Variants in ERC1 observed in about 807,000 individuals in gnomAD.
The protein encoded by ERC1 is RAB6 interacting protein 2.
A neutral mutation model predicts 132.0 loss-of-function variants in ERC1; 56 were observed. The ratio of observed to expected loss-of-function variants is 0.42; its 90% CI spans 0.34 to 0.53. The LOEUF is 0.53. ERC1 is among the 20% of genes least tolerant of loss of function. The pLI, the probability that ERC1 is intolerant of heterozygous loss-of-function variation, is 0.03. For missense variants in ERC1, 1,202 were observed against 1,349.9 expected (o/e 0.89, Z 1.72); for synonymous variants, 478 against 476.1 (o/e 1.00, Z -0.05).
intron 8 of ERC1, among the ~76,000 whole-genome samples, chr12:1,179,530 C>T (rs1277120169): frequency 1.8e-4 from 20 of 111,298 alleles, no homozygotes; most frequent in East Asian, 2.8e-4. Flanking sequence ...TTTTTTGAGA[C>T]GGAGTCTCGC....
intron 15 of ERC1, among the ~76,000 whole-genome samples, chr12:1,353,003 A>C (rs2154367301): frequency 1.3e-5 from 2 of 151,684 alleles, no homozygotes; most frequent in Non-Finnish European, 2.9e-5. Flanking sequence ...TGGGTACGAG[A>C]AGCAATCAAG....
At chr12:1,294,660 T>C (rs1282832718) in intron 15 of ERC1, among the ~76,000 whole-genome samples, 1 of 152,352 alleles carries the variant, frequency 6.6e-6, no homozygotes, top group Non-Finnish European at 1.5e-5. Context: ...TCATCCCTTT[T>C]GTTAAATATA....
intron 8 of ERC1, among the ~76,000 whole-genome samples, chr12:1,147,199 T>C (rs1315609229): frequency 6.6e-6 from 1 of 152,188 alleles, no homozygotes; most frequent in African/African-American, 2.4e-5. Context: ...CTTATCTTGT[T>C]CCAGTTCTCA....
chr12:1,213,523 G>A (rs61911961), intron 12 of ERC1, among the ~76,000 whole-genome samples: 29,110 of 151,934 alleles, frequency 0.19, 3,417 homozygotes, highest in Non-Finnish European at 0.27. Context: ...GATCACTCAA[G>A]CTTAGGAGTT....
intron 2 of ERC1, among the ~76,000 whole-genome samples, chr12:1,066,399 G>A (rs1315810690): frequency 6.6e-6 from 1 of 152,180 alleles, no homozygotes; most frequent in East Asian, 1.9e-4. Flanking sequence ...TTTACACCTT[G>A]TTTATCAAAT....
Position 1,490,919 on chromosome 12 carries a change from C to T in ERC1, c.*689C>T, listed in dbSNP as rs1307533120. 8.6e-6 allele frequency: 2 copies of T among 232,708 alleles called. No homozygotes were observed. Among genetic ancestry groups the T allele is most frequent in the Non-Finnish European group, 8.5e-6 (1 of 117,802 alleles). 14.4% of individuals were successfully genotyped at this position (232,708 alleles called of 1,614,324 possible). On this transcript the variant is annotated 3_prime_UTR_variant, in exon 19 of 19. Coordinates refer to ENST00000360905, the MANE Select transcript of ERC1 (RefSeq NM_178040.4). ...AGCCTTCCTCACTCTGTTCCTCGGCCAGTTAACAAGAAGATGGTGTGAGGT... is the reference window on the plus strand; with the variant it reads ...AGCCTTCCTCACTCTGTTCCTCGGCTAGTTAACAAGAAGATGGTGTGAGGT...
intron 17 of ERC1, among the ~76,000 whole-genome samples, chr12:1,441,524 A>C (rs942785079): frequency 6.6e-6 from 1 of 152,188 alleles, no homozygotes; most frequent in Admixed American, 6.5e-5. Context: ...CTTCGTGGTC[A>C]TACTTTTTTC....
intron 12 of ERC1, among the ~76,000 whole-genome samples, chr12:1,200,205 T>G (rs1956775489): frequency 6.6e-6 from 1 of 152,146 alleles, no homozygotes; most frequent in South Asian, 2.1e-4. Context: ...TTGGCAAACT[T>G]GAACTAGTTT....
chr12:1,025,094 A>G (rs1036704404), intron 1 of ERC1, among the ~76,000 whole-genome samples: 2 of 152,154 alleles, frequency 1.3e-5, no homozygotes, highest in Non-Finnish European at 2.9e-5. Flanking sequence ...GGATATCTGG[A>G]TACGTTCTAC....
intron 15 of ERC1, among the ~76,000 whole-genome samples, chr12:1,334,706 C>T (rs1203743810): frequency 6.6e-6 from 1 of 152,080 alleles, no homozygotes; most frequent in Non-Finnish European, 1.5e-5. Flanking sequence ...ATTGCCTTGG[C>T]TGTTGGGGAT....
chr12:1,390,050 G>T (rs1435600998), intron 16 of ERC1, among the ~76,000 whole-genome samples: 1 of 152,066 alleles, frequency 6.6e-6, no homozygotes, highest in Admixed American at 6.5e-5. Flanking sequence ...AATCATAGCG[G>T]GGCTGTGTGT....
At chr12:1,228,231 G>A (rs1681760405) in intron 12 of ERC1, among the ~76,000 whole-genome samples, 1 of 152,178 alleles carries the variant, frequency 6.6e-6, no homozygotes, top group Non-Finnish European at 1.5e-5. Context: ...GCTTTGAGTA[G>A]TATGGACATT....
chr12:1,405,559 C>G (rs757676695), intron 16 of ERC1, among the ~76,000 whole-genome samples: 1 of 151,842 alleles, frequency 6.6e-6, no homozygotes, highest in Non-Finnish European at 1.5e-5. Context: ...AAAAAATAGC[C>G]GGGCGTGGTG....
intron 12 of ERC1, among the ~76,000 whole-genome samples, chr12:1,205,921 T>C (rs1287182607): frequency 6.6e-6 from 1 of 152,072 alleles, no homozygotes; most frequent in Non-Finnish European, 1.5e-5. Flanking sequence ...AATGAAACCC[T>C]GGGAAAAGCT....
intron 12 of ERC1, among the ~76,000 whole-genome samples, chr12:1,207,624 G>GA (rs893485917): frequency 4.0e-5 from 6 of 151,896 alleles, no homozygotes; most frequent in African/African-American, 7.2e-5. Flanking sequence ...TCATTGGTGG[G>GA]AAAAAAAATA....
At chr12:993,376 A>G (rs959352372) in intron 1 of ERC1, among the ~76,000 whole-genome samples, 1 of 152,234 alleles carries the variant, frequency 6.6e-6, no homozygotes, top group Non-Finnish European at 1.5e-5. Context: ...TTGTCCTTGT[A>G]GGAATGAAAT....
chr12:1,175,931 T>G (rs1343213009), intron 8 of ERC1, among the ~76,000 whole-genome samples: 1 of 152,226 alleles, frequency 6.6e-6, no homozygotes, highest in Non-Finnish European at 1.5e-5. Flanking sequence ...ACATCTTTAG[T>G]GACTACTTCT....
intron 1 of ERC1, among the ~76,000 whole-genome samples, chr12:1,005,401 C>T (rs1047441534): frequency 6.6e-6 from 1 of 152,060 alleles, no homozygotes; most frequent in Non-Finnish European, 1.5e-5. Flanking sequence ...CCTTGGCCTC[C>T]GAGTGTTGGG....
At chr12:1,405,007 G>T (rs796813380) in intron 16 of ERC1, among the ~76,000 whole-genome samples, 40 of 152,132 alleles carry the variant, frequency 2.6e-4, no homozygotes, top group African/African-American at 8.9e-4. Context: ...CAGCGTGGTG[G>T]TGTGTGCCTC....
Sources: allele counts gnomAD v4.1 joint callset (sites outside exome capture counted in the v4.1 genomes callset), GRCh38; gene constraint gnomAD v4.1.1; transcripts MANE v1.5; gene names NCBI Gene and HGNC (gene_info 2026-07-23, HGNC 2026-07-21).